The following CCDC191 variants were observed in gnomAD, a reference collection of about 807,000 sequenced individuals.
CCDC191 encodes coiled-coil domain-containing protein 191.
CCDC191 carries 99 observed loss-of-function variants against 114.0 expected under a neutral mutation model. The observed-to-expected ratio is 0.87, with a 90% CI of 0.74 to 1.03. The LOEUF is 1.03. Ranked by LOEUF, CCDC191 falls within the 50% of genes least tolerant of loss-of-function variation. CCDC191 has a pLI of 0.00. For missense variants in CCDC191, 973 were observed against 1,087.0 expected, an observed-to-expected ratio of 0.90 and a Z score of 1.47; for synonymous variants, 351 against 376.0, an observed-to-expected ratio of 0.93 and a Z score of 0.77.
chr3:114,015,861 G>A (rs114319674), intron 8 of CCDC191, among the ~76,000 whole-genome samples: 1 of 152,328 alleles, frequency 6.6e-6, no homozygotes, highest in Non-Finnish European at 1.5e-5. Flanking sequence ...AAAGCAAGAT[G>A]CATTTTTAGA....
chr3:114,044,836 G>T (rs2076607948), intron 3 of CCDC191, among the ~76,000 whole-genome samples: 1 of 152,174 alleles, frequency 6.6e-6, no homozygotes, highest in African/African-American at 2.4e-5. Context: ...AATACCTTGT[G>T]TTAGACCACA....
intron 2 of CCDC191, among the ~76,000 whole-genome samples, chr3:114,049,429 TCAA>T (rs1450195240): frequency 2.0e-5 from 3 of 152,214 alleles, no homozygotes; most frequent in African/African-American, 7.2e-5. Context: ...AATAAATTGA[TCAA>T]CTTTAGTGTT....
At chr3:113,965,520 A>G in intron 16 of CCDC191, 161 bp from the exon 17 acceptor site, 1 of 411,566 alleles carries the variant, frequency 2.4e-6, no homozygotes, top group Non-Finnish European at 4.2e-6. Flanking sequence ...AAATGCTGTG[A>G]AAAAAATAAG....
chr3:114,015,335 C>T (rs956811462), intron 8 of CCDC191, among the ~76,000 whole-genome samples: 4 of 152,104 alleles, frequency 2.6e-5, no homozygotes, highest in African/African-American at 4.8e-5. Flanking sequence ...GGCAGAGATG[C>T]GGCCCAGGAA....
At chr3:113,974,646 T>C (rs1454821774) in intron 16 of CCDC191, among the ~76,000 whole-genome samples, 1 of 152,208 alleles carries the variant, frequency 6.6e-6, no homozygotes. Context: ...TGTGGATATA[T>C]GTCTATGCCT....
In CCDC191 at chr3:113,978,303, C is replaced by T. The variant is rs1444007307; in HGVS notation, c.2489G>A (p.Arg830Lys). The change falls in exon 16 of 17, where the codon AGA becomes AAA. Residue 830 changes from arginine (R) to lysine (K), a missense_variant. Physicochemically the swap from Arg to Lys is conservative, Grantham distance 26. Coordinates refer to ENST00000295878, the MANE Select transcript of CCDC191 (RefSeq NM_020817.2). ...QYVIDLQEEV[R>K]KFCVHFLQKK... ...TTGAAGAAAATGTACACAAAATTTT[C>T]TTACTTCTTCCTGCAGATCAATCAC... The T allele has an allele frequency of 3.1e-6, 5 of 1,613,828 alleles. No individual in the cohort carries two copies. The African/African-American group carries it at 6.7e-5, about 22-fold the overall frequency.
At chr3:114,053,084 A>AT (rs1323808688) in intron 2 of CCDC191, among the ~76,000 whole-genome samples, 1 of 152,224 alleles carries the variant, frequency 6.6e-6, no homozygotes, top group East Asian at 1.9e-4. Flanking sequence ...CCTCAAACAT[A>AT]TTGTTCATTA....
chr3:114,003,495 T>G, intron 11 of CCDC191: 1 of 985,392 alleles, frequency 1.0e-6, no homozygotes, highest in Non-Finnish European at 1.2e-6. Context: ...GGGATTAAAG[T>G]AAGAGACCCC....
In CCDC191 at chr3:114,034,971, T is replaced by G; in HGVS notation, c.772A>C (p.Arg258=). 6.2e-7 allele frequency: 1 copy of G among 1,614,116 alleles called. No homozygotes were observed. The highest frequency in any genetic ancestry group is 8.5e-7 in the Non-Finnish European group (1 of 1,180,008). Reference sequence around the variant, plus strand: ...GTGCGTCTCCTCTCAATTATCTCCCTCCGCAGCTTCACCATCTCCCTTTGA... The same window carrying G: ...GTGCGTCTCCTCTCAATTATCTCCCGCCGCAGCTTCACCATCTCCCTTTGA... ...EIQREMVKLR[R]EIIERRRTVK... is the part of the protein sequence containing the mutation. Residue 258 remains arginine (R), a synonymous_variant, in exon 6 of 17, where the codon AGG becomes CGG. Transcript: ENST00000295878.
intron 16 of CCDC191, among the ~76,000 whole-genome samples, chr3:113,970,634 T>C (rs1429396834): frequency 6.6e-6 from 1 of 152,158 alleles, no homozygotes; most frequent in East Asian, 1.9e-4. Context: ...TTGTTACATA[T>C]GTATACATGT....
At chr3:114,046,913 TATA>T (rs1446540500) in intron 2 of CCDC191, 181 bp from the exon 3 acceptor site, 1 of 974,802 alleles carries the variant, frequency 1.0e-6, no homozygotes, top group Non-Finnish European at 1.2e-6. Flanking sequence ...AGGTTTCATA[TATA>T]ATATTAAATT....
chr3:113,994,845 G>A (rs1461976427), intron 13 of CCDC191, among the ~76,000 whole-genome samples: 1 of 152,078 alleles, frequency 6.6e-6, no homozygotes, highest in East Asian at 1.9e-4. Context: ...GCCTTCCAAA[G>A]TGCTGGGATT....
intron 12 of CCDC191, 197 bp from the exon 13 acceptor site, chr3:114,001,893 T>C: frequency 3.4e-6 from 2 of 583,634 alleles, no homozygotes; most frequent in Admixed American, 3.3e-5. Context: ...AAAAGAATCC[T>C]TTTCTACTTG....
intron 14 of CCDC191, among the ~76,000 whole-genome samples, chr3:113,979,828 T>A (rs781513957): frequency 6.6e-6 from 1 of 152,232 alleles, no homozygotes; most frequent in African/African-American, 2.4e-5. Flanking sequence ...AGCCAAAAGA[T>A]GAGATAACAT....
chr3:114,028,915 T>A (rs1216969872), intron 7 of CCDC191, among the ~76,000 whole-genome samples: 5 of 151,152 alleles, frequency 3.3e-5, no homozygotes, highest in Middle Eastern at 3.2e-3. Flanking sequence ...ATATAATGTG[T>A]GTGTATATGT....
chr3:114,032,337 G>T (rs1162866066), intron 6 of CCDC191, among the ~76,000 whole-genome samples: 8 of 152,146 alleles, frequency 5.3e-5, no homozygotes, highest in Middle Eastern at 3.2e-3. Context: ...AATTATTTTA[G>T]TAACTTTGTT....
chr3:114,003,958 C>G, intron 11 of CCDC191: 2 of 985,330 alleles, frequency 2.0e-6, no homozygotes, highest in South Asian at 9.4e-5. Flanking sequence ...TGCTTCTATT[C>G]GTATAGTTTA....
intron 13 of CCDC191, among the ~76,000 whole-genome samples, chr3:113,998,166 C>T (rs1036578461): frequency 7.9e-5 from 12 of 151,688 alleles, no homozygotes; most frequent in African/African-American, 1.5e-4. Flanking sequence ...ATTAGCCAGG[C>T]GTGGTGGTGC....
chr3:114,003,502 C>G, intron 11 of CCDC191: 1 of 985,372 alleles, frequency 1.0e-6, no homozygotes, highest in Non-Finnish European at 1.2e-6. Context: ...AAGTAAGAGA[C>G]CCCTAAGAAG....
Sources: allele counts gnomAD v4.1 joint callset (sites outside exome capture counted in the v4.1 genomes callset), GRCh38; gene constraint gnomAD v4.1.1; transcripts MANE v1.5; gene names NCBI Gene and HGNC (gene_info 2026-07-23, HGNC 2026-07-21).